SH2D4B: variants seen among roughly 807,000 people sequenced by gnomAD.
SH2D4B encodes the protein SH2 domain containing 4B.
A neutral mutation model predicts 61.5 loss-of-function variants in SH2D4B; 45 were observed. The observed-to-expected ratio is 0.73, with a 90% CI of 0.58 to 0.94. The LOEUF (loss-of-function observed/expected upper bound fraction) is 0.94. Ranked by LOEUF, SH2D4B falls within the 40% of genes least tolerant of loss-of-function variation. The probability of loss-of-function intolerance (pLI) is 0.00; values close to 1 mark genes in which losing one functional copy is unlikely to be tolerated. For missense variants in SH2D4B, 572 were observed against 574.2 expected, an observed-to-expected ratio of 1.00 and a Z score of 0.04; for synonymous variants, 224 against 220.4, an observed-to-expected ratio of 1.02 and a Z score of -0.14.
intron 6 of SH2D4B, among the ~76,000 whole-genome samples, chr10:80,613,846 T>C (rs1842630620): frequency 6.6e-6 from 1 of 152,188 alleles, no homozygotes; most frequent in African/African-American, 2.4e-5. Flanking sequence ...AGAAGAGCAC[T>C]GAAGGTCACA....
chr10:80,632,418 T>C (rs1842842824), intron 6 of SH2D4B, among the ~76,000 whole-genome samples: 1 of 152,160 alleles, frequency 6.6e-6, no homozygotes, highest in African/African-American at 2.4e-5. Context: ...GAAAAAGTAA[T>C]AAACGTTACA....
chr10:80,555,002 C>CA (rs35160548), intron 1 of SH2D4B, among the ~76,000 whole-genome samples: 12,735 of 63,496 alleles, frequency 0.2, 1,546 homozygotes, highest in East Asian at 0.27. Context: ...AGGCGAGTCT[C>CA]AAAAAAAAAA....
rs143992608 is a variant in SH2D4B at position 80,546,944 on chromosome 10, C to G, written c.184+8429C>G. Among the ~76,000 whole-genome samples, 194 of 152,266 alleles carry G rather than the reference C, an allele frequency of 1.3e-3. No individual in the cohort carries two copies. The Middle Eastern group carries it at 0.024, about 19-fold the overall frequency. ...ATAAGCCTATTTTTATATTCTTCCC[C>G]ATGGTTTTGTTGGTGTAATCAAGGA... On this transcript the variant is annotated intron_variant, in intron 1 of 7. Transcript: ENST00000646907.
intron 3 of SH2D4B, among the ~76,000 whole-genome samples, chr10:80,583,600 G>A (rs1190186030): frequency 6.6e-6 from 1 of 152,044 alleles, no homozygotes; most frequent in Non-Finnish European, 1.5e-5. Flanking sequence ...AACCTGGGAG[G>A]TAGAGGTTAC....
chr10:80,598,596 G>T (rs1473528499), intron 4 of SH2D4B, among the ~76,000 whole-genome samples: 1 of 152,116 alleles, frequency 6.6e-6, no homozygotes, highest in Non-Finnish European at 1.5e-5. Context: ...ATCTATGGGG[G>T]AGCAGCAGTT....
chr10:80,567,124 C>G (rs1018468331), intron 1 of SH2D4B, among the ~76,000 whole-genome samples: 1 of 152,012 alleles, frequency 6.6e-6, no homozygotes, highest in East Asian at 1.9e-4. Context: ...GCTTTTTTTC[C>G]GTGAAATTCC....
intron 7 of SH2D4B, among the ~76,000 whole-genome samples, chr10:80,638,737 G>A (rs539550797): frequency 6.6e-6 from 1 of 152,134 alleles, no homozygotes; most frequent in Non-Finnish European, 1.5e-5. Flanking sequence ...CAAAAAACCA[G>A]CTCCTGGATT....
Position 80,579,059 on chromosome 10 carries a change from T to G in SH2D4B, c.495+7481T>G, listed in dbSNP as rs12262853. 9.9e-3 allele frequency among the ~76,000 whole-genome samples: 1,512 copies of G among 152,160 alleles called. 22 individuals carry two copies. Among genetic ancestry groups the G allele is most frequent in the African/African-American group, 0.035 (1,451 of 41,510 alleles). On this transcript the variant is annotated intron_variant, in intron 3 of 7. Coordinates refer to ENST00000646907, the MANE Select transcript of SH2D4B (RefSeq NM_001388272.1). Reference sequence around the variant, plus strand: ...GGAAAGAGAAAGTGCTTAGATTGACTGCATTGAGGGATTTTTACCCCACAG... The same window carrying G: ...GGAAAGAGAAAGTGCTTAGATTGACGGCATTGAGGGATTTTTACCCCACAG...
rs543645482 is a variant in SH2D4B at position 80,550,066 on chromosome 10, GGTGGGGA to G, written c.184+11553_184+11559del. The stretch of plus-strand genomic sequence containing the variant: ...CAGCCTTAGTCAGCTAAGGGCTTTT[GGTGGGGA>G]GCGGGGGGTGGGGGAAAGGGGTCCC... On this transcript the variant is annotated intron_variant, in intron 1 of 7. Transcript: ENST00000646907. Among the ~76,000 whole-genome samples the G allele has an allele frequency of 3.8e-3, 579 of 152,146 alleles. 5 individuals carry two copies. The highest frequency in any genetic ancestry group is 0.013 in the African/African-American group (560 of 41,492).
Position 80,538,455 on chromosome 10 carries a change from C to T in SH2D4B, c.124C>T (p.Arg42Trp), listed in dbSNP as rs987242171. Residue 42 changes from arginine (R) to tryptophan (W), a missense_variant, in exon 1 of 8, where the codon CGG becomes TGG. Arg to Trp is a moderately radical substitution (Grantham distance 101). Transcript: ENST00000646907. This position sits in a 1 kb window ranked among gnomAD's most constrained non-coding sequence, Gnocchi z 4.8. ...REEQLRRWKE[R>W]ETWEALAQDE... ...GGAGCAGCTGAGGCGCTGGAAGGAG[C>T]GGGAGACTTGGGAGGCCCTGGCCCA... is the stretch of plus-strand genomic sequence containing the variant. 11 of 1,487,884 alleles carry T rather than the reference C, an allele frequency of 7.4e-6. No homozygotes were observed. The highest frequency in any genetic ancestry group is 4.1e-5 in the South Asian group (3 of 73,824). The allele number at this position is 1,487,884 out of a possible 1,614,324, so 92.2% of individuals were successfully genotyped here. A position where few individuals can be genotyped will look rare whatever the true frequency, so the allele number is the denominator to read the frequency against.
intron 1 of SH2D4B, among the ~76,000 whole-genome samples, chr10:80,546,972 G>T (rs78122162): frequency 0.011 from 1,616 of 152,254 alleles, 24 homozygotes; most frequent in African/African-American, 0.037. Flanking sequence ...ATCAAGGATG[G>T]TAACCTCAGA....
chr10:80,587,151 G>GTT (rs58312366), intron 3 of SH2D4B, among the ~76,000 whole-genome samples: 66 of 48,316 alleles, frequency 1.4e-3, no homozygotes, highest in South Asian at 3.1e-3. Context: ...TTTTTGTTTT[G>GTT]TTTTTTTTTT....
intron 3 of SH2D4B, among the ~76,000 whole-genome samples, chr10:80,587,562 A>C (rs1018399818): frequency 6.7e-6 from 1 of 149,700 alleles, no homozygotes; most frequent in African/African-American, 2.4e-5. Context: ...TACACGCGTG[A>C]GCCACGACGC....
intron 4 of SH2D4B, among the ~76,000 whole-genome samples, chr10:80,597,762 A>G (rs1345776242): frequency 6.6e-6 from 1 of 152,156 alleles, no homozygotes. Context: ...CTGCAGAGGA[A>G]ATGGCATTTG....
chr10:80,600,146 G>A (rs2132137346), intron 4 of SH2D4B, among the ~76,000 whole-genome samples: 1 of 152,326 alleles, frequency 6.6e-6, no homozygotes, highest in South Asian at 2.1e-4. Context: ...GAAAGAAGGT[G>A]TAGATAAGGT....
At chr10:80,548,667 C>T (rs1229815963) in intron 1 of SH2D4B, among the ~76,000 whole-genome samples, 5 of 152,222 alleles carry the variant, frequency 3.3e-5, no homozygotes, top group African/African-American at 7.2e-5. Context: ...GCTTCTGCCA[C>T]CATGCAGGTA....
chr10:80,634,518 G>C lies in SH2D4B; in HGVS notation c.1209+13G>C. The C allele has an allele frequency of 6.5e-7, 1 of 1,548,050 alleles. No homozygotes were observed. The highest frequency in any genetic ancestry group is 8.7e-7 in the Non-Finnish European group (1 of 1,146,148). ...TGATTTCCATAAGGTATCCCTCACAGGGATACTAATGGGGGGGAGGGGGAA... is the reference window on the plus strand; with the variant it reads ...TGATTTCCATAAGGTATCCCTCACACGGATACTAATGGGGGGGAGGGGGAA... On this transcript the variant is annotated intron_variant, in intron 7 of 7. Transcript: ENST00000646907.
chr10:80,596,761 A>C (rs115468582), intron 4 of SH2D4B, among the ~76,000 whole-genome samples: 1 of 152,224 alleles, frequency 6.6e-6, no homozygotes, highest in Non-Finnish European at 1.5e-5. Context: ...TGGAGGCTCT[A>C]TCTTTACTGA....
intron 6 of SH2D4B, among the ~76,000 whole-genome samples, chr10:80,615,132 C>G (rs1842646168): frequency 6.6e-6 from 1 of 152,224 alleles, no homozygotes; most frequent in Non-Finnish European, 1.5e-5. Context: ...CCTGTCTGAG[C>G]TGTATGGAGC....
Sources: gnomAD v4.1 joint callset for allele counts (sites outside exome capture counted in the v4.1 genomes callset) on GRCh38, gnomAD v4.1.1 for gene constraint, Gnocchi (gnomAD v3.1) non-coding constraint, MANE v1.5 for transcripts, NCBI Gene and HGNC (gene_info 2026-07-23, HGNC 2026-07-21) for gene names.